Variants in ZNF516 observed in about 807,000 individuals in gnomAD.
ZNF516 encodes the protein zinc finger protein 516.
A neutral mutation model predicts 79.7 loss-of-function variants in ZNF516; 19 were observed. The ratio of observed to expected loss-of-function variants is 0.24; its 90% CI spans 0.17 to 0.35. The LOEUF (loss-of-function observed/expected upper bound fraction) is 0.35. Among genes scored for constraint, ZNF516 ranks in the 10% least tolerant of loss-of-function variants. The pLI, the probability that ZNF516 is intolerant of heterozygous loss-of-function variation, is 1.00. For synonymous variants in ZNF516, 877 were observed against 739.5 expected, an observed-to-expected ratio of 1.19 and a Z score of -3.02; for missense variants, 1,678 against 1,679.5, an observed-to-expected ratio of 1.00 and a Z score of 0.02.
intron 3 of ZNF516, among the ~76,000 whole-genome samples, chr18:76,420,997 AAGG>A (rs2075499744): frequency 6.6e-6 from 1 of 152,194 alleles, no homozygotes; most frequent in African/African-American, 2.4e-5. Context: ...GAGAACAAAC[AAGG>A]AGATGTCCCA....
At chr18:76,378,819 A>G (rs2074833487) in intron 4 of ZNF516, 36 bp downstream of exon 4, 2 of 1,589,906 alleles carry the variant, frequency 1.3e-6, no homozygotes, top group African/African-American at 1.3e-5. Context: ...TGGGGGTCAC[A>G]TGTGGCCTGG....
At chr18:76,475,254 A>AT (rs1287968752) in intron 1 of ZNF516, among the ~76,000 whole-genome samples, 1 of 152,262 alleles carries the variant, frequency 6.6e-6, no homozygotes, top group Non-Finnish European at 1.5e-5. Context: ...CACAAGAGAG[A>AT]TAAAATGAGC....
chr18:76,443,154 G>GC lies in ZNF516; in HGVS notation c.-101dup. On this transcript the variant is annotated 5_prime_UTR_variant, in exon 3 of 7. Transcript: ENST00000443185. ...CATGGTCAGAAGAGCCAAAAGACGT[G>GC]CCTGCTCCCAGGAGGTGCACCTTCT... 1.4e-6 allele frequency: 2 copies of GC among 1,449,412 alleles called. No homozygotes were observed. Among genetic ancestry groups the GC allele is most frequent in the East Asian group, 5.1e-5 (2 of 39,210 alleles). The allele number at this position is 1,449,412 out of a possible 1,614,324, so 89.8% of individuals were successfully genotyped here.
intron 1 of ZNF516, among the ~76,000 whole-genome samples, chr18:76,488,576 A>C (rs1470397770): frequency 6.6e-6 from 1 of 152,112 alleles, no homozygotes. Context: ...GAAAGAACTA[A>C]TTGAGTGTGT....
intron 1 of ZNF516, among the ~76,000 whole-genome samples, chr18:76,485,363 A>G (rs1161911581): frequency 6.6e-6 from 1 of 152,196 alleles, no homozygotes; most frequent in African/African-American, 2.4e-5. Flanking sequence ...TGTCACTGAT[A>G]ATGTCAATAT....
At position 76,379,980 on chromosome 18, in the gene ZNF516, C is replaced by G; in HGVS notation, c.2134G>C (p.Asp712His). The G allele has an allele frequency of 1.2e-6, 2 of 1,613,980 alleles. No homozygotes were observed. The highest frequency in any genetic ancestry group is 1.7e-6 in the Non-Finnish European group (2 of 1,179,892). Residue 712 changes from aspartate to histidine, a missense_variant, in exon 4 of 7, where the codon GAT (aspartate) becomes CAT (histidine). Asp to His is a moderately conservative substitution (Grantham distance 81). Coordinates refer to ENST00000443185, the MANE Select transcript of ZNF516 (RefSeq NM_014643.4). ...QTGHPAEKLS[D>H]LHNKEHSGGG... The stretch of plus-strand genomic sequence containing the variant: ...CCAGAGTGTTCCTTGTTGTGCAAAT[C>G]GGACAGCTTTTCTGCAGGGTGACCC...
chr18:76,446,935 C>T (rs747766835), intron 2 of ZNF516, among the ~76,000 whole-genome samples: 10 of 152,144 alleles, frequency 6.6e-5, no homozygotes, highest in African/African-American at 2.4e-4. Context: ...AAGCCCAAAC[C>T]GCCATTATCT....
At chr18:76,453,870 A>AATAAGCTGTATATACTATGCCATGT (rs1912563672) in intron 2 of ZNF516, among the ~76,000 whole-genome samples, 1 of 152,226 alleles carries the variant, frequency 6.6e-6, no homozygotes, top group South Asian at 2.1e-4. Context: ...TGTTTCTACA[A>AATAAGCTGTATATACTATGCCATGT]ATAAGCTGTA....
chr18:76,426,468 G>A (rs551195705), intron 3 of ZNF516, among the ~76,000 whole-genome samples: 1 of 152,192 alleles, frequency 6.6e-6, no homozygotes, highest in East Asian at 1.9e-4. Flanking sequence ...CAGATTTTCA[G>A]ATAAATAACA....
At chr18:76,446,551 A>G (rs955917033) in intron 2 of ZNF516, among the ~76,000 whole-genome samples, 1 of 152,214 alleles carries the variant, frequency 6.6e-6, no homozygotes, top group African/African-American at 2.4e-5. Flanking sequence ...ATCCTTGCAC[A>G]GCCTTGACTC....
In ZNF516 at chr18:76,360,897, GT is replaced by G. The variant is rs2074528665; in HGVS notation, c.*1600del. ...TGTGTGTGTGTTTGTGTGTGTGTGT[GT>G]CTGTGTTTAAACAAGACTTTGTATC... On this transcript the variant is annotated 3_prime_UTR_variant, in exon 7 of 7. Transcript: ENST00000443185. The G allele has an allele frequency of 6.6e-6, 1 of 151,374 alleles. No individual in the cohort carries two copies. Among genetic ancestry groups the G allele is most frequent in the Admixed American group, 6.6e-5 (1 of 15,210 alleles). The allele number at this position is 151,374 out of a possible 1,614,324, so 9.4% of individuals were successfully genotyped here.
chr18:76,382,676 C>T (rs1219242010), intron 3 of ZNF516, among the ~76,000 whole-genome samples: 1 of 152,148 alleles, frequency 6.6e-6, no homozygotes, highest in Non-Finnish European at 1.5e-5. Flanking sequence ...TTTGGGAGGC[C>T]GAGGCGGGCA....
chr18:76,492,208 C>T (rs1915271343), intron 1 of ZNF516: 1 of 985,462 alleles, frequency 1.0e-6, no homozygotes, highest in Non-Finnish European at 1.2e-6. Flanking sequence ...TCCCGGAAGA[C>T]ACCGCGTCTC....
At chr18:76,416,232 T>C (rs11150952) in intron 3 of ZNF516, among the ~76,000 whole-genome samples, 85,466 of 152,080 alleles carry the variant, frequency 0.56, 24,221 homozygotes, top group South Asian at 0.68. Context: ...TGGTCCTCCT[T>C]GGAAGAGGCG....
intron 1 of ZNF516, among the ~76,000 whole-genome samples, chr18:76,486,659 A>G (rs1215446011): frequency 1.3e-5 from 2 of 148,702 alleles, no homozygotes; most frequent in African/African-American, 2.5e-5. Flanking sequence ...CAGGGCGGTG[A>G]GAGACGTTGT....
chr18:76,442,203 C>T lies in ZNF516; in HGVS notation c.852G>A (p.Arg284=), dbSNP rs754732195. 5.0e-6 allele frequency: 8 copies of T among 1,613,876 alleles called. No homozygotes were observed. In the South Asian group the frequency reaches 8.8e-5, roughly 18 times the overall value. ...FDHGCHICGR[R]FKEPWFLKNH... Reference sequence around the variant, plus strand: ...TCTTGAGGAACCAGGGCTCCTTGAACCTACGGCCGCAGATGTGGCAGCCGT... The same window carrying T: ...TCTTGAGGAACCAGGGCTCCTTGAATCTACGGCCGCAGATGTGGCAGCCGT... Residue 284 remains arginine (R), a synonymous_variant, in exon 3 of 7, where the codon AGG becomes AGA. Transcript: ENST00000443185.
intron 1 of ZNF516, among the ~76,000 whole-genome samples, chr18:76,485,811 A>C (rs1013861048): frequency 6.6e-6 from 1 of 151,892 alleles, no homozygotes; most frequent in Non-Finnish European, 1.5e-5. Flanking sequence ...GCCGCACCAC[A>C]GAAGCTCAGG....
chr18:76,417,299 C>G (rs908616360), intron 3 of ZNF516, among the ~76,000 whole-genome samples: 2 of 152,180 alleles, frequency 1.3e-5, no homozygotes, highest in Non-Finnish European at 2.9e-5. Flanking sequence ...ACACTCCTCC[C>G]GGCTCTTTCA....
intron 1 of ZNF516, among the ~76,000 whole-genome samples, chr18:76,477,139 A>G (rs546636205): frequency 1.3e-5 from 2 of 152,240 alleles, no homozygotes; most frequent in South Asian, 4.1e-4. Flanking sequence ...CAGCTGAGTC[A>G]TATCGTTTGG....
Sources: allele counts gnomAD v4.1 joint callset (sites outside exome capture counted in the v4.1 genomes callset), GRCh38; gene constraint gnomAD v4.1.1; transcripts MANE v1.5; gene names NCBI Gene and HGNC (gene_info 2026-07-23, HGNC 2026-07-21).